The following POLR3F variants were observed in gnomAD, a reference collection of about 807,000 sequenced individuals.
POLR3F encodes RNA polymerase III subunit F.
A neutral mutation model predicts 43.6 loss-of-function variants in POLR3F; 31 were observed. The ratio of observed to expected loss-of-function variants is 0.71; its 90% CI spans 0.53 to 0.96. POLR3F has a LOEUF of 0.96. Ranked by LOEUF, POLR3F falls within the 40% of genes least tolerant of loss-of-function variation. POLR3F has a pLI of 0.00. For synonymous variants in POLR3F, 114 were observed against 132.5 expected (o/e 0.86, Z 0.96); for missense variants, 316 against 391.7 (o/e 0.81, Z 1.63).
Position 18,481,770 on chromosome 20 carries a change from C to A in POLR3F, c.833C>A (p.Pro278His). 1 of 1,613,804 alleles carries A rather than the reference C, an allele frequency of 6.2e-7. No individual in the cohort carries two copies. Among genetic ancestry groups the A allele is most frequent in the Non-Finnish European group, 8.5e-7 (1 of 1,179,758 alleles). ...TACAGGGCAGTCAATCCAATCATCC[C>A]TCCCACAGGTTTGGTCCGGGCACCC... ...KLYRAVNPII[P>H]PTGLVRAPCG... The change falls in exon 8 of 9, where the codon CCT becomes CAT. Residue 278 changes from proline (P) to histidine (H), a missense_variant. By Grantham distance (77) the Pro-to-His change is moderately conservative. Transcript: ENST00000377603.
intron 4 of POLR3F, 152 bp from the exon 5 acceptor site, chr20:18,474,923 A>C (rs1371418666): frequency 2.1e-6 from 1 of 468,840 alleles, no homozygotes; most frequent in Non-Finnish European, 3.9e-6. Flanking sequence ...CATTATACTT[A>C]TTTATTGTTT....
At position 18,480,019 on chromosome 20, in the gene POLR3F, T is replaced by C. The variant is rs370289095; in HGVS notation, c.430-19T>C. ...ATTGTTATCTTATAAACACATGAAC[T>C]GTGCATGTTCTTTCCTAGGCCTCAA... On this transcript the variant is annotated intron_variant, in intron 5 of 8. Coordinates refer to ENST00000377603, the MANE Select transcript of POLR3F (RefSeq NM_006466.4). 2 of 1,568,560 alleles carry C rather than the reference T, an allele frequency of 1.3e-6. No homozygotes were observed. Among genetic ancestry groups the C allele is most frequent in the Non-Finnish European group, 1.7e-6 (2 of 1,159,968 alleles).
chr20:18,475,044 G>A (rs1285870439), intron 4 of POLR3F, 31 bp from the exon 5 acceptor site: 1 of 900,924 alleles, frequency 1.1e-6, no homozygotes, highest in Admixed American at 2.0e-5. Context: ...GAAAACCAGA[G>A]TTCAACTTAT....
chr20:18,470,404 C>T (rs938622144), intron 2 of POLR3F, among the ~76,000 whole-genome samples: 2 of 152,220 alleles, frequency 1.3e-5, no homozygotes, highest in African/African-American at 4.8e-5. Flanking sequence ...CATATGATTT[C>T]TGTCACAACT....
chr20:18,477,342 T>C (rs73108909), intron 5 of POLR3F, among the ~76,000 whole-genome samples: 13,286 of 152,314 alleles, frequency 0.087, 779 homozygotes, highest in Middle Eastern at 0.16. Context: ...CACTCATACA[T>C]TGCTAAGAAT....
chr20:18,480,692 C>T (rs1274115908), intron 7 of POLR3F, among the ~76,000 whole-genome samples, 183 bp downstream of exon 7: 1 of 151,992 alleles, frequency 6.6e-6, no homozygotes, highest in Non-Finnish European at 1.5e-5. Context: ...TGCCATTGGG[C>T]ATTGTCTGAA....
chr20:18,480,413 A>C lies in POLR3F; in HGVS notation c.585A>C (p.Ala195=). Residue 195 remains alanine (A), a synonymous_variant, in exon 7 of 9, where the codon GCA becomes GCC. Coordinates refer to ENST00000377603, the MANE Select transcript of POLR3F (RefSeq NM_006466.4). The part of the protein sequence containing the change: ...FKFLQSKAET[A]RESKQNPMIQ... Reference sequence around the variant, plus strand: ...TTCAATCCTTATAGGCAGAAACAGCACGAGAAAGCAAACAGAACCCAATGA... The same window carrying C: ...TTCAATCCTTATAGGCAGAAACAGCCCGAGAAAGCAAACAGAACCCAATGA... 6.2e-7 allele frequency: 1 copy of C among 1,607,378 alleles called. No homozygotes were observed. The highest frequency in any genetic ancestry group is 8.5e-7 in the Non-Finnish European group (1 of 1,173,980).
rs761982595 is a variant in POLR3F at position 18,467,471 on chromosome 20, G to GCATCTTTCCCCC, written c.-33_-22dup. The GCATCTTTCCCCC allele has an allele frequency of 2.5e-6, 4 of 1,612,964 alleles. No individual in the cohort carries two copies. In the East Asian group the frequency reaches 8.9e-5, roughly 36 times the overall value. On this transcript the variant is annotated 5_prime_UTR_variant, in exon 1 of 9. Transcript: ENST00000377603. ...CCGGCTTGCTACCGGGCTGCTCCGTGCATCTTTCCCCCCAGGCGTCAGGAA... is the reference window on the plus strand; with the variant it reads ...CCGGCTTGCTACCGGGCTGCTCCGTGCATCTTTCCCCCCATCTTTCCCCCCAGGCGTCAGGAA...
At position 18,481,874 on chromosome 20, in the gene POLR3F, C is replaced by G. The variant is rs6111983; in HGVS notation, c.873+64C>G. The stretch of plus-strand genomic sequence containing the variant: ...CGGGTGCAAGTGCCACATTAAGAAA[C>G]AGAGCAAGCACAGCCCAGTTTTCTC... On this transcript the variant is annotated intron_variant, in intron 8 of 8. Transcript: ENST00000377603. The G allele has an allele frequency of 0.86, 882,838 of 1,031,894 alleles. 378,878 individuals carry two copies. Among genetic ancestry groups the G allele is most frequent in the South Asian group, 0.91 (63,073 of 69,518 alleles). 63.9% of individuals were successfully genotyped at this position (1,031,894 alleles called of 1,614,324 possible). A position where few individuals can be genotyped will look rare whatever the true frequency, so the allele number is the denominator to read the frequency against.
At position 18,481,810 on chromosome 20, in the gene POLR3F, G is replaced by C. The variant is rs755067083; in HGVS notation, c.873G>C (p.Pro291=). The change falls in exon 8 of 9, where the codon CCG becomes CCC. Residue 291 remains proline, a splice_region_variant and synonymous_variant. Transcript: ENST00000377603. Reference sequence around the variant, plus strand: ...TCCGGGCACCCTGTGGACTCTGCCCGGTGAGTTAAAGTGGCTTCACTTTAC... The same window carrying C: ...TCCGGGCACCCTGTGGACTCTGCCCCGTGAGTTAAAGTGGCTTCACTTTAC... The part of the protein sequence containing the change: ...GLVRAPCGLC[P]VFDDCHEGGE... 5.0e-6 allele frequency: 8 copies of C among 1,605,174 alleles called. No homozygotes were observed. Among genetic ancestry groups the C allele is most frequent in the Non-Finnish European group, 6.8e-6 (8 of 1,172,820 alleles).
Position 18,480,127 on chromosome 20 carries a change from A to G in POLR3F, c.519A>G (p.Glu173=), listed in dbSNP as rs778128249. ...CCTGGTACAGTGACCAGGATTTTGA[A>G]TCTGAATTTGTAGAGGTGCTTAACC... The part of the protein sequence containing the change: ...GGAWYSDQDF[E]SEFVEVLNQQ... The change falls in exon 6 of 9, where the codon GAA becomes GAG. Residue 173 remains glutamate, a synonymous_variant. Transcript: ENST00000377603. The G allele has an allele frequency of 9.9e-6, 16 of 1,612,864 alleles. No individual in the cohort carries two copies. In the East Asian group the frequency reaches 3.6e-4, roughly 36 times the overall value.
chr20:18,467,480 C>A lies in POLR3F; in HGVS notation c.-27C>A, dbSNP rs75004098. ...TACCGGGCTGCTCCGTGCATCTTTCCCCCCAGGCGTCAGGAACTGCGCCCT... is the reference window on the plus strand; with the variant it reads ...TACCGGGCTGCTCCGTGCATCTTTCACCCCAGGCGTCAGGAACTGCGCCCT... On this transcript the variant is annotated 5_prime_UTR_variant, in exon 1 of 9. Transcript: ENST00000377603. 5,478 of 1,613,918 alleles carry A rather than the reference C, an allele frequency of 3.4e-3. 104 individuals are homozygous for A. Among genetic ancestry groups the A allele is most frequent in the South Asian group, 0.034 (3,062 of 91,072 alleles).
intron 8 of POLR3F, 48 bp downstream of exon 8, chr20:18,481,858 G>A: frequency 8.4e-7 from 1 of 1,196,804 alleles, no homozygotes; most frequent in South Asian, 1.3e-5. Context: ...ACGGGTGCAA[G>A]TGCCACATTA....
intron 8 of POLR3F, among the ~76,000 whole-genome samples, chr20:18,483,074 C>A (rs550691861): frequency 6.6e-6 from 1 of 152,086 alleles, no homozygotes; most frequent in East Asian, 1.9e-4. Context: ...CCCGCTCCCC[C>A]CTCGCCCCCC....
rs931336627 is a variant in POLR3F at position 18,484,359 on chromosome 20, C to T, written c.*801C>T. 1.6e-5 allele frequency: 6 copies of T among 384,026 alleles called. No individual in the cohort carries two copies. Among genetic ancestry groups the T allele is most frequent in the Non-Finnish European group, 2.3e-5 (5 of 217,486 alleles). 23.8% of individuals were successfully genotyped at this position (384,026 alleles called of 1,614,324 possible). On this transcript the variant is annotated 3_prime_UTR_variant, in exon 9 of 9. Transcript: ENST00000377603. Reference sequence around the variant, plus strand: ...CAGTAGACTGAATGTTTGTGTGCCCCCAGAATTCTAATGTTGAAATCTCAT... The same window carrying T: ...CAGTAGACTGAATGTTTGTGTGCCCTCAGAATTCTAATGTTGAAATCTCAT...
rs755391518 is a variant in POLR3F at position 18,480,500 on chromosome 20, A to G, written c.672A>G (p.Gly224=). 7.2e-5 allele frequency: 113 copies of G among 1,559,670 alleles called. No homozygotes were observed. In the Middle Eastern group the frequency reaches 8.4e-4, roughly 12 times the overall value. The change falls in exon 7 of 9, where the codon GGA becomes GGG. Residue 224 remains glycine (G), a synonymous_variant. Coordinates refer to ENST00000377603, the MANE Select transcript of POLR3F (RefSeq NM_006466.4). ...TGTGGAAATATATCTGCGAATTGGG[A>G]ATCAGTAAGGTCAGAACTGAATTTC... ...HEVWKYICEL[G]ISKVELSMED...
intron 4 of POLR3F, 76 bp from the exon 5 acceptor site, chr20:18,474,999 A>T: frequency 1.5e-6 from 1 of 682,614 alleles, no homozygotes; most frequent in Non-Finnish European, 2.6e-6. Context: ...CTTTGGAATG[A>T]GACACAAGTT....
In POLR3F at chr20:18,474,614, G is replaced by A. The variant is rs111638214; in HGVS notation, c.317-461G>A. ...GCTCAGTGCAACCTCCGCCTCCCGG[G>A]TTCAAACGAGTCTCATGCCTCAGCC... On this transcript the variant is annotated intron_variant, in intron 4 of 8. Transcript: ENST00000377603. Among the ~76,000 whole-genome samples the A allele has an allele frequency of 4.4e-4, 67 of 151,920 alleles. 1 individual carries two copies. The highest frequency in any genetic ancestry group is 1.9e-3 in the Admixed American group (29 of 15,254).
intron 7 of POLR3F, 32 bp downstream of exon 7, chr20:18,480,541 A>C: frequency 1.6e-6 from 2 of 1,287,106 alleles, no homozygotes; most frequent in South Asian, 1.2e-5. Flanking sequence ...ATTTTTTAAA[A>C]CTTATTCTTT....
Sources: allele counts gnomAD v4.1 joint callset (sites outside exome capture counted in the v4.1 genomes callset), GRCh38; gene constraint gnomAD v4.1.1; transcripts MANE v1.5; gene names NCBI Gene and HGNC (gene_info 2026-07-23, HGNC 2026-07-21).